Variants in CACNA1E observed in about 807,000 individuals in gnomAD.
CACNA1E encodes the protein calcium voltage-gated channel subunit alpha1 E.
Under a neutral mutation model 259.2 loss-of-function variants are expected in CACNA1E, and 40 were observed. The ratio of observed to expected loss-of-function variants is 0.15; its 90% CI spans 0.12 to 0.20. The LOEUF (loss-of-function observed/expected upper bound fraction) is 0.20. Ranked by LOEUF, CACNA1E falls within the 10% of genes least tolerant of loss-of-function variation. The pLI is 1.00. For missense variants in CACNA1E, 1,874 were observed against 3,040.1 expected (o/e 0.62, Z 9.02); for synonymous variants, 1,104 against 1,138.5 (o/e 0.97, Z 0.61).
At chr1:181,626,967 G>A (rs1292631683) in intron 6 of CACNA1E, among the ~76,000 whole-genome samples, 1 of 152,174 alleles carries the variant, frequency 6.6e-6, no homozygotes, top group Non-Finnish European at 1.5e-5. Context: ...TTGCATTGGT[G>A]TAAAATGTGC....
chr1:181,636,863 A>C (rs1347155665), intron 6 of CACNA1E, among the ~76,000 whole-genome samples: 1 of 152,228 alleles, frequency 6.6e-6, no homozygotes, highest in Non-Finnish European at 1.5e-5. Context: ...TTCAGGCCCA[A>C]ATGCCACGGG....
intron 1 of CACNA1E, among the ~76,000 whole-genome samples, chr1:181,487,016 G>A (rs1200902489): frequency 6.9e-6 from 1 of 144,926 alleles, no homozygotes; most frequent in African/African-American, 2.6e-5. Flanking sequence ...CTCTTTGTAA[G>A]TGCCAGATTT....
chr1:181,543,591 T>C (rs1459901140), intron 3 of CACNA1E, among the ~76,000 whole-genome samples: 1 of 152,204 alleles, frequency 6.6e-6, no homozygotes, highest in Admixed American at 6.5e-5. Flanking sequence ...GATGGTTCTC[T>C]GCAGACTGAG....
chr1:181,592,203 G>A (rs534228742), intron 6 of CACNA1E, among the ~76,000 whole-genome samples: 251 of 152,260 alleles, frequency 1.6e-3, no homozygotes, highest in Admixed American at 6.0e-3. Context: ...ATCATTCATC[G>A]TCTTCTAGGT....
At chr1:181,780,834 A>G (rs906716723) in intron 38 of CACNA1E, among the ~76,000 whole-genome samples, 1 of 152,140 alleles carries the variant, frequency 6.6e-6, no homozygotes, top group African/African-American at 2.4e-5. Context: ...CACCACCTTC[A>G]GTGCAAGACG....
At chr1:181,483,478 C>T (rs979184350), upstream of CACNA1E, 11 of 333,550 alleles carry the variant, frequency 3.3e-5, no homozygotes, top group African/African-American at 2.4e-4. Flanking sequence ...CAAGCCCTAC[C>T]ACCCGCTTTT....
At chr1:181,717,989 G>A in intron 11 of CACNA1E, 66 bp from the exon 12 acceptor site, 1 of 752,862 alleles carries the variant, frequency 1.3e-6, no homozygotes, top group Non-Finnish European at 2.3e-6. Flanking sequence ...AGGTGGGTGT[G>A]TTAGCTGAGA....
chr1:181,414,337 T>C (rs2102155778), intron 2 of CACNA1E, among the ~76,000 whole-genome samples: 2 of 152,236 alleles, frequency 1.3e-5, no homozygotes, highest in East Asian at 3.8e-4. Context: ...CTAGATGTCA[T>C]CAAGTACAAA....
At chr1:181,397,595 G>C (rs893996684) in intron 1 of CACNA1E, among the ~76,000 whole-genome samples, 1 of 152,190 alleles carries the variant, frequency 6.6e-6, no homozygotes, top group African/African-American at 2.4e-5. Flanking sequence ...ACTGCGCCTG[G>C]ACAGGGTGGG....
intron 1 of CACNA1E, among the ~76,000 whole-genome samples, chr1:181,397,752 C>G (rs544937793): frequency 6.6e-6 from 1 of 152,226 alleles, no homozygotes; most frequent in South Asian, 2.1e-4. Flanking sequence ...TTGTCCTTCC[C>G]TCTCCCTGCT....
chr1:181,721,430 C>G (rs1266961153), intron 15 of CACNA1E, among the ~76,000 whole-genome samples: 1 of 152,146 alleles, frequency 6.6e-6, no homozygotes, highest in Non-Finnish European at 1.5e-5. Flanking sequence ...GCTCTGAGGA[C>G]AGTTAGGTAA....
At chr1:181,736,909 G>T (rs1238357472) in intron 22 of CACNA1E, among the ~76,000 whole-genome samples, 1 of 152,176 alleles carries the variant, frequency 6.6e-6, no homozygotes, top group African/African-American at 2.4e-5. Context: ...CAGAGGCAGG[G>T]ACATGAAGTG....
At chr1:181,328,804 C>T (rs1197138910) in intron 1 of CACNA1E, among the ~76,000 whole-genome samples, 1 of 152,118 alleles carries the variant, frequency 6.6e-6, no homozygotes, top group Non-Finnish European at 1.5e-5. Context: ...CTGAGGATTG[C>T]AAGGCTTTTG....
chr1:181,619,651 T>A (rs1655548196), intron 6 of CACNA1E, among the ~76,000 whole-genome samples: 1 of 151,820 alleles, frequency 6.6e-6, no homozygotes, highest in African/African-American at 2.4e-5. Flanking sequence ...GAGTGAGAGA[T>A]GATGGTGGCT....
chr1:181,357,094 C>T (rs528549287), intron 1 of CACNA1E, among the ~76,000 whole-genome samples: 1 of 152,144 alleles, frequency 6.6e-6, no homozygotes, highest in Non-Finnish European at 1.5e-5. Context: ...AATTCGCTCC[C>T]TTCCTCCCTC....
intron 3 of CACNA1E, among the ~76,000 whole-genome samples, chr1:181,561,830 T>A (rs1186391847): frequency 6.6e-6 from 1 of 152,204 alleles, no homozygotes; most frequent in Non-Finnish European, 1.5e-5. Flanking sequence ...GTGTATTATT[T>A]TGCATTCCCG....
At position 181,580,747 on chromosome 1, in the gene CACNA1E, A is replaced by G. The variant is rs1419813974; in HGVS notation, c.922A>G (p.Met308Val). 1 of 1,614,014 alleles carries G rather than the reference A, an allele frequency of 6.2e-7. No homozygotes were observed. Among genetic ancestry groups the G allele is most frequent in the Non-Finnish European group, 8.5e-7 (1 of 1,179,856 alleles). The change falls in exon 6 of 48, where the codon ATG becomes GTG. Residue 308 changes from methionine (M) to valine (V), a missense_variant. Around this residue, in one of 14 missense-constraint regions of CACNA1E, gnomAD observed 13 missense variants for 66.9 expected, o/e 0.19. Transcript: ENST00000367573. ...GCTGACTGTCTTCCAGTGCATCACCATGGAAGGGTGGACCACTGTGCTGTA... is the reference window on the plus strand; with the variant it reads ...GCTGACTGTCTTCCAGTGCATCACCGTGGAAGGGTGGACCACTGTGCTGTA... ...AVLTVFQCITMEGWTTVLYNT... is the reference protein window; with the variant it reads ...AVLTVFQCITVEGWTTVLYNT...
rs559617097 is a variant in CACNA1E, at chr1:181,505,518, C to T, written c.267-4959C>T. Among the ~76,000 whole-genome samples, 76 of 152,150 alleles carry T rather than the reference C, an allele frequency of 5.0e-4. 1 individual carries two copies. The South Asian group carries it at 7.9e-3, about 16-fold the overall frequency. The stretch of plus-strand genomic sequence containing the variant: ...TCCTGAGTAGCTGGGACTACAGGTG[C>T]GTGCCACCATGCCTGGCTAACATTT... On this transcript the variant is annotated intron_variant, in intron 1 of 47. Transcript: ENST00000367573.
chr1:181,409,121 C>A (rs897143217), intron 1 of CACNA1E, among the ~76,000 whole-genome samples: 2 of 152,212 alleles, frequency 1.3e-5, no homozygotes, highest in African/African-American at 4.8e-5. Flanking sequence ...CATTCCCATT[C>A]ATTTACATAT....
Sources: gnomAD v4.1 joint callset for allele counts (sites outside exome capture counted in the v4.1 genomes callset) on GRCh38, gnomAD v4.1.1 for gene constraint, gnomAD v4.1.1 regional missense constraint, MANE v1.5 for transcripts, NCBI Gene and HGNC (gene_info 2026-07-23, HGNC 2026-07-21) for gene names.